AHCYL1: variants seen among roughly 807,000 people sequenced by gnomAD.
AHCYL1 encodes the protein S-adenosylhomocysteine hydrolase-like protein 1.
Under a neutral mutation model 79.3 loss-of-function variants are expected in AHCYL1, and 20 were observed. The ratio of observed to expected loss-of-function variants is 0.25; its 90% CI spans 0.18 to 0.37. AHCYL1 has a LOEUF of 0.37. AHCYL1 is among the 10% of genes least tolerant of loss of function. The pLI, the probability that AHCYL1 is intolerant of heterozygous loss-of-function variation, is 1.00. For missense variants in AHCYL1, 330 were observed against 673.6 expected, an observed-to-expected ratio of 0.49 and a Z score of 5.65; for synonymous variants, 223 against 242.2, an observed-to-expected ratio of 0.92 and a Z score of 0.74.
Position 109,984,972 on chromosome 1 carries a change from G to GA in AHCYL1, c.-81_-80insA. The GA allele has an allele frequency of 7.3e-7, 1 of 1,367,504 alleles. No homozygotes were observed. The highest frequency in any genetic ancestry group is 3.9e-5 in the Admixed American group (1 of 25,412). 84.7% of individuals were successfully genotyped at this position (1,367,504 alleles called of 1,614,324 possible). ...GGTGGGCGATCGCGTGTCGGAGGGCGCCGCGCGGGCAGGCGGGCGGGCGCC... is the reference window on the plus strand; with the variant it reads ...GGTGGGCGATCGCGTGTCGGAGGGCGACCGCGCGGGCAGGCGGGCGGGCGCC... On this transcript the variant is annotated 5_prime_UTR_variant, in exon 1 of 17. Transcript: ENST00000369799.
intron 1 of AHCYL1, among the ~76,000 whole-genome samples, chr1:110,005,144 C>G (rs1323162281): frequency 6.6e-6 from 1 of 152,066 alleles, no homozygotes; most frequent in Non-Finnish European, 1.5e-5. Flanking sequence ...GGATCCTAGC[C>G]CTTCAAATAA....
chr1:109,996,606 A>G (rs1202143088), intron 1 of AHCYL1, among the ~76,000 whole-genome samples: 1 of 152,242 alleles, frequency 6.6e-6, no homozygotes, highest in African/African-American at 2.4e-5. Context: ...AGGGGGATAC[A>G]TTCTGTAAAC....
Position 110,016,702 on chromosome 1 carries a change from A to G in AHCYL1, c.935A>G (p.Lys312Arg), listed in dbSNP as rs138987880. ...KRTTDVMFGGKQVVVCGYGEV... is the reference protein window; with the variant it reads ...KRTTDVMFGGRQVVVCGYGEV... ...ACCACAGATGTGATGTTTGGTGGGA[A>G]ACAAGTGGTGGTGTGTGGCTATGGT... The change falls in exon 9 of 17, where the codon AAA (lysine) becomes AGA (arginine). Residue 312 changes from lysine to arginine, a missense_variant. Lys to Arg is a conservative substitution (Grantham distance 26, BLOSUM62 2). Coordinates refer to ENST00000369799, the MANE Select transcript of AHCYL1 (RefSeq NM_006621.7). The G allele has an allele frequency of 2.4e-5, 39 of 1,614,062 alleles. No homozygotes were observed. Among genetic ancestry groups the G allele is most frequent in the Non-Finnish European group, 3.2e-5 (38 of 1,180,024 alleles).
At chr1:110,003,907 A>C (rs1226534737) in intron 1 of AHCYL1, 1 of 985,188 alleles carries the variant, frequency 1.0e-6, no homozygotes, top group East Asian at 1.1e-4. Context: ...TGACTGGAGC[A>C]CTTTAGGAGA....
chr1:110,010,009 T>C (rs1650919922), intron 2 of AHCYL1, among the ~76,000 whole-genome samples: 1 of 152,198 alleles, frequency 6.6e-6, no homozygotes, highest in African/African-American at 2.4e-5. Flanking sequence ...CATTGTATTA[T>C]CAACATTAAG....
rs554237040 is a variant in AHCYL1 at position 110,001,867 on chromosome 1, C to A, written c.121-7167C>A. Among the ~76,000 whole-genome samples, 5 of 152,256 alleles carry A rather than the reference C, an allele frequency of 3.3e-5. No individual in the cohort carries two copies. In the South Asian group the frequency reaches 1.0e-3, roughly 32 times the overall value. On this transcript the variant is annotated intron_variant, in intron 1 of 16. Coordinates refer to ENST00000369799, the MANE Select transcript of AHCYL1 (RefSeq NM_006621.7). ...ACCCAACTAAAATATAAAATCTTAA[C>A]CTAATATATCAAATTGATTACTCAG... is the stretch of plus-strand genomic sequence containing the variant.
intron 15 of AHCYL1, 65 bp from the exon 16 acceptor site, chr1:110,020,666 G>A: frequency 6.7e-7 from 1 of 1,498,650 alleles, no homozygotes; most frequent in South Asian, 1.3e-5. Flanking sequence ...AATGAAAATG[G>A]GAAGTTATAA....
chr1:109,992,917 T>A (rs1649842415), intron 1 of AHCYL1, among the ~76,000 whole-genome samples: 1 of 152,220 alleles, frequency 6.6e-6, no homozygotes, highest in Admixed American at 6.5e-5. Flanking sequence ...CCACAGCATC[T>A]CTTTTCATTA....
chr1:109,989,020 G>A (rs370451229), intron 1 of AHCYL1, among the ~76,000 whole-genome samples: 1 of 152,334 alleles, frequency 6.6e-6, no homozygotes, highest in Admixed American at 6.5e-5. Flanking sequence ...TCATAGGTTG[G>A]CATTTCCTAT....
intron 1 of AHCYL1, 102 bp downstream of exon 1, chr1:109,985,274 T>C: frequency 6.9e-7 from 1 of 1,458,158 alleles, no homozygotes; most frequent in East Asian, 2.8e-5. Flanking sequence ...TGGGGGTGAC[T>C]GGGGACGGCG....
At chr1:110,012,628 T>C (rs920387442) in intron 4 of AHCYL1, among the ~76,000 whole-genome samples, 166 bp downstream of exon 4, 1 of 152,166 alleles carries the variant, frequency 6.6e-6, no homozygotes, top group African/African-American at 2.4e-5. Flanking sequence ...TTTTAATATG[T>C]AAACCCACTT....
Position 109,985,070 on chromosome 1 carries a change from G to T in AHCYL1, c.18G>T (p.Ala6=), listed in dbSNP as rs1262431461. Residue 6 remains alanine (A), a synonymous_variant, in exon 1 of 17, where the codon GCG becomes GCT. Transcript: ENST00000369799. MSMPD[A]MPLPGVGEEL... Reference sequence around the variant, plus strand: ...GCCGGGGAATGTCGATGCCTGACGCGATGCCGCTGCCCGGGGTCGGGGAGG... The same window carrying T: ...GCCGGGGAATGTCGATGCCTGACGCTATGCCGCTGCCCGGGGTCGGGGAGG... The T allele has an allele frequency of 1.9e-6, 3 of 1,603,290 alleles. No homozygotes were observed. The highest frequency in any genetic ancestry group is 2.6e-6 in the Non-Finnish European group (3 of 1,175,882).
At chr1:110,000,719 G>C (rs781020879) in intron 1 of AHCYL1, among the ~76,000 whole-genome samples, 13 of 151,748 alleles carry the variant, frequency 8.6e-5, no homozygotes, top group Non-Finnish European at 1.2e-4. Context: ...AATAGAACTG[G>C]GCTTATGGGT....
At chr1:110,018,261 T>C in intron 11 of AHCYL1, 112 bp from the exon 12 acceptor site, 1 of 1,032,836 alleles carries the variant, frequency 9.7e-7, no homozygotes, top group African/African-American at 1.6e-5. Flanking sequence ...TCAGAATGTC[T>C]ACATGTTCTT....
chr1:109,991,782 A>T (rs1649770425), intron 1 of AHCYL1, among the ~76,000 whole-genome samples: 1 of 152,202 alleles, frequency 6.6e-6, no homozygotes. Flanking sequence ...AAGGGGCAAG[A>T]GGCTGGAGGA....
intron 1 of AHCYL1, among the ~76,000 whole-genome samples, chr1:109,998,573 G>T (rs1650141087): frequency 6.6e-6 from 1 of 152,196 alleles, no homozygotes; most frequent in Non-Finnish European, 1.5e-5. Context: ...CGTCCCCTGG[G>T]TTCAAGCAAT....
chr1:110,000,361 A>G (rs1650241999), intron 1 of AHCYL1, among the ~76,000 whole-genome samples: 1 of 152,170 alleles, frequency 6.6e-6, no homozygotes, highest in Non-Finnish European at 1.5e-5. Flanking sequence ...CCCAGAAGAC[A>G]ATGGAAGTGT....
Position 110,011,246 on chromosome 1 carries a change from G to T in AHCYL1, c.265G>T (p.Val89Phe), listed in dbSNP as rs770014271. 2 of 1,614,036 alleles carry T rather than the reference G, an allele frequency of 1.2e-6. No individual in the cohort carries two copies. Among genetic ancestry groups the T allele is most frequent in the Non-Finnish European group, 1.7e-6 (2 of 1,179,996 alleles). Reference sequence around the variant, plus strand: ...CTACACAGATAGCTCTGATGATGAGGTTTCTCCCCGAGAGAAGCAGCAAAC... The same window carrying T: ...CTACACAGATAGCTCTGATGATGAGTTTTCTCCCCGAGAGAAGCAGCAAAC... ...ASYTDSSDDE[V>F]SPREKQQTNS... Residue 89 changes from valine (V) to phenylalanine (F), a missense_variant, in exon 3 of 17, where the codon GTT becomes TTT. Physicochemically the swap from Val to Phe is conservative, Grantham distance 50. This residue lies in a region of AHCYL1 where 97 missense variants were observed against 176.3 expected (regional missense o/e 0.55). Transcript: ENST00000369799.
intron 6 of AHCYL1, 77 bp from the exon 7 acceptor site, chr1:110,015,347 AG>A: frequency 9.3e-7 from 1 of 1,081,080 alleles, no homozygotes; most frequent in Non-Finnish European, 1.4e-6. Flanking sequence ...CTCTCTTACT[AG>A]TACAGAAAGT....
Sources: allele counts gnomAD v4.1 joint callset (sites outside exome capture counted in the v4.1 genomes callset), GRCh38; gene constraint gnomAD v4.1.1; regional missense constraint gnomAD v4.1.1; transcripts MANE v1.5; gene names NCBI Gene and HGNC (gene_info 2026-07-23, HGNC 2026-07-21).